The following LIN7A variants were observed in gnomAD, a reference collection of about 807,000 sequenced individuals.
The protein encoded by LIN7A is protein lin-7 homolog A.
LIN7A carries 25 observed loss-of-function variants against 29.8 expected under a neutral mutation model. That is an observed-to-expected ratio of 0.84 (90% CI 0.61 to 1.17). The LOEUF is 1.17. Among genes scored for constraint, LIN7A ranks in the 50% most tolerant of loss-of-function variants. LIN7A has a pLI of 0.00. For synonymous variants in LIN7A, 118 were observed against 107.5 expected (o/e 1.10, Z -0.60); for missense variants, 239 against 287.0 (o/e 0.83, Z 1.21).
chr12:80,909,336 A>G (rs752573495), intron 1 of LIN7A, among the ~76,000 whole-genome samples: 10 of 152,176 alleles, frequency 6.6e-5, no homozygotes, highest in Non-Finnish European at 1.2e-4. Context: ...CAATACTTAT[A>G]CCAAAAACCA....
chr12:80,846,344 T>C (rs1211330234), intron 3 of LIN7A, among the ~76,000 whole-genome samples: 2 of 152,210 alleles, frequency 1.3e-5, no homozygotes, highest in Admixed American at 1.3e-4. Flanking sequence ...TCTTGCACTC[T>C]TTTGTATGAC....
chr12:80,850,994 G>A (rs975104452), intron 2 of LIN7A, among the ~76,000 whole-genome samples: 9 of 152,098 alleles, frequency 5.9e-5, no homozygotes, highest in Non-Finnish European at 1.2e-4. Context: ...ACATACCGAT[G>A]ACCACACAGC....
chr12:80,797,807 C>T (rs905911923), intron 5 of LIN7A, 81 bp from the exon 6 acceptor site: 14 of 152,668 alleles, frequency 9.2e-5, no homozygotes, highest in African/African-American at 3.4e-4. Flanking sequence ...ATCAAAAGAG[C>T]ATATGCTATG....
At chr12:80,876,520 A>G (rs998258028) in intron 2 of LIN7A, among the ~76,000 whole-genome samples, 2 of 152,172 alleles carry the variant, frequency 1.3e-5, no homozygotes, top group Non-Finnish European at 2.9e-5. Context: ...AAACCACCCC[A>G]AAAAAACTAC....
intron 2 of LIN7A, among the ~76,000 whole-genome samples, chr12:80,879,645 C>CAAAAAAAAAAAAAAAAAAAAAA (rs530877505): frequency 1.7e-5 from 1 of 58,732 alleles, no homozygotes; most frequent in African/African-American, 9.2e-5. Flanking sequence ...TGGAGCAGCC[C>CAAAAAAAAAAAAAAAAAAAAAA]AAAAAAAAAA....
At chr12:80,832,584 T>A in intron 4 of LIN7A, 1 of 471,626 alleles carries the variant, frequency 2.1e-6, no homozygotes, top group South Asian at 1.6e-5. Flanking sequence ...TTGAAGGTGG[T>A]AGGAAATGGC....
Position 80,889,299 on chromosome 12 carries a change from T to C in LIN7A, c.153A>G (p.Gln51=), listed in dbSNP as rs367667751. The C allele has an allele frequency of 3.1e-6, 5 of 1,613,018 alleles. No homozygotes were observed. The highest frequency in any genetic ancestry group is 2.7e-5 in the African/African-American group (2 of 74,984). Residue 51 remains glutamine (Q), a synonymous_variant, in exon 2 of 6, where the codon CAA becomes CAG. Coordinates refer to ENST00000552864, the MANE Select transcript of LIN7A (RefSeq NM_004664.4). Reference sequence around the variant, plus strand: ...CACTCTGAAGCACTTTTTTGAGGGATTGTAGCTTGTGCACTGGTACTTCTC... The same window carrying C: ...CACTCTGAAGCACTTTTTTGAGGGACTGTAGCTTGTGCACTGGTACTTCTC... ...ESGEVPVHKL[Q]SLKKVLQSEF...
At chr12:80,813,172 A>T (rs956956146) in intron 4 of LIN7A, among the ~76,000 whole-genome samples, 1 of 151,872 alleles carries the variant, frequency 6.6e-6, no homozygotes, top group Non-Finnish European at 1.5e-5. Context: ...CACCACGCCC[A>T]GCTAATTTTT....
intron 4 of LIN7A, among the ~76,000 whole-genome samples, chr12:80,839,369 A>T (rs1159422163): frequency 6.6e-6 from 1 of 152,218 alleles, no homozygotes; most frequent in African/African-American, 2.4e-5. Context: ...GACTGATAAT[A>T]ATAACACCTA....
At chr12:80,797,940 T>C (rs1036982986) in intron 5 of LIN7A, among the ~76,000 whole-genome samples, 2 of 152,218 alleles carry the variant, frequency 1.3e-5, no homozygotes, top group African/African-American at 2.4e-5. Context: ...CCACAGTTGT[T>C]CCCTAAAATG....
At chr12:80,936,831 G>A (rs1386323448) in intron 1 of LIN7A, 1 of 152,300 alleles carries the variant, frequency 6.6e-6, no homozygotes, top group African/African-American at 2.4e-5. Flanking sequence ...ATTTTAACCC[G>A]ACCTGCGCTT....
chr12:80,883,965 G>C (rs951377087), intron 2 of LIN7A, among the ~76,000 whole-genome samples: 2 of 152,130 alleles, frequency 1.3e-5, no homozygotes, highest in African/African-American at 4.8e-5. Context: ...TTGAACAGTA[G>C]ACGGATAAAC....
intron 5 of LIN7A, among the ~76,000 whole-genome samples, chr12:80,807,063 G>GTTTGTTTTTGTTTTTT (rs1871026725): frequency 1.9e-5 from 1 of 53,592 alleles, no homozygotes; most frequent in Non-Finnish European, 3.5e-5. Context: ...TGAAGATGGA[G>GTTTGTTTTTGTTTTTT]TTTTTTTTTT....
intron 2 of LIN7A, among the ~76,000 whole-genome samples, chr12:80,854,611 G>C (rs567857944): frequency 6.6e-6 from 1 of 151,494 alleles, no homozygotes; most frequent in African/African-American, 2.4e-5. Flanking sequence ...GGGACCAACA[G>C]ATTAGACCAA....
At chr12:80,892,822 T>A (rs1875694711) in intron 1 of LIN7A, among the ~76,000 whole-genome samples, 1 of 152,204 alleles carries the variant, frequency 6.6e-6, no homozygotes, top group Non-Finnish European at 1.5e-5. Context: ...CAGCCAAGGT[T>A]GAGACCACTG....
At chr12:80,864,396 G>A (rs1430375781) in intron 2 of LIN7A, among the ~76,000 whole-genome samples, 1 of 151,614 alleles carries the variant, frequency 6.6e-6, no homozygotes, top group African/African-American at 2.4e-5. Flanking sequence ...AGAAAATAAT[G>A]GCTGTTTACA....
chr12:80,866,958 T>C lies in LIN7A; in HGVS notation c.202-18636A>G, dbSNP rs548332985. ...AGGGCATTACTGGTTCCCATGTCTC[T>C]CTTTTTTTTATTTTTATTTTAGAGA... is the stretch of plus-strand genomic sequence containing the variant. On this transcript the variant is annotated intron_variant, in intron 2 of 5. Transcript: ENST00000552864. Among the ~76,000 whole-genome samples, 11 of 152,224 alleles carry C rather than the reference T, an allele frequency of 7.2e-5. No individual in the cohort carries two copies. In the East Asian group the frequency reaches 1.7e-3, roughly 24 times the overall value.
rs766969818 is a variant in LIN7A at position 80,889,378 on chromosome 12, A to C, written c.83-9T>G. The stretch of plus-strand genomic sequence containing the variant: ...AATTGCTCTTGCAACATCTGAATGA[A>C]AAAAAATGAAAATAGAGAAACCTAG... On this transcript the variant is annotated splice_polypyrimidine_tract_variant and intron_variant, in intron 1 of 5. Coordinates refer to ENST00000552864, the MANE Select transcript of LIN7A (RefSeq NM_004664.4). 6.8e-7 allele frequency: 1 copy of C among 1,477,596 alleles called. No individual in the cohort carries two copies. The allele number at this position is 1,477,596 out of a possible 1,614,324, so 91.5% of individuals were successfully genotyped here. A position where few individuals can be genotyped will look rare whatever the true frequency, so the allele number is the denominator to read the frequency against.
chr12:80,831,030 A>G (rs1872323653), intron 4 of LIN7A, among the ~76,000 whole-genome samples: 2 of 152,130 alleles, frequency 1.3e-5, no homozygotes. Context: ...TATTTTGTTT[A>G]TTGCTTATCT....
Sources: allele counts gnomAD v4.1 joint callset (sites outside exome capture counted in the v4.1 genomes callset), GRCh38; gene constraint gnomAD v4.1.1; transcripts MANE v1.5; gene names NCBI Gene and HGNC (gene_info 2026-07-23, HGNC 2026-07-21).